The following PLOD2 variants were observed in gnomAD, a reference collection of about 807,000 sequenced individuals.
PLOD2 encodes the protein lysine hydroxylase 2.
In PLOD2, 65 loss-of-function variants were observed where a neutral mutation model predicts 101.0. The ratio of observed to expected loss-of-function variants is 0.64; its 90% confidence interval spans 0.53 to 0.79. The LOEUF (loss-of-function observed/expected upper bound fraction) is 0.79, where lower values mean the gene tolerates loss of function less well. Among genes scored for constraint, PLOD2 ranks in the 30% least tolerant of loss-of-function variants. The probability of loss-of-function intolerance (pLI) is 0.00; values close to 1 mark genes in which losing one functional copy is unlikely to be tolerated. For synonymous variants in PLOD2, 314 were observed against 302.9 expected, an observed-to-expected ratio of 1.04 and a Z score of -0.38; for missense variants, 909 against 914.6, an observed-to-expected ratio of 0.99 and a Z score of 0.08.
At chr3:146,122,902 T>C (rs1370665195) in intron 2 of PLOD2, among the ~76,000 whole-genome samples, 1 of 152,174 alleles carries the variant, frequency 6.6e-6, no homozygotes, top group African/African-American at 2.4e-5. Context: ...CCCTAACGAT[T>C]CCCCAACTAG....
chr3:146,141,110 T>C (rs889734025), intron 1 of PLOD2, among the ~76,000 whole-genome samples: 2 of 152,088 alleles, frequency 1.3e-5, no homozygotes, highest in Non-Finnish European at 2.9e-5. Flanking sequence ...GAATACACAG[T>C]ATGAACAAAT....
At chr3:146,097,927 T>C (rs1937262528) in intron 7 of PLOD2, among the ~76,000 whole-genome samples, 1 of 151,994 alleles carries the variant, frequency 6.6e-6, no homozygotes, top group Non-Finnish European at 1.5e-5. Context: ...CTGGAAACCA[T>C]CATCCTCACC....
In PLOD2 at chr3:146,100,748, T is replaced by C. The variant is rs141358589; in HGVS notation, c.777+2007A>G. Among the ~76,000 whole-genome samples the C allele has an allele frequency of 2.1e-3, 322 of 151,828 alleles. 2 individuals carry two copies. Among genetic ancestry groups the C allele is most frequent in the African/African-American group, 7.0e-3 (289 of 41,408 alleles). On this transcript the variant is annotated intron_variant, in intron 7 of 19. Coordinates refer to ENST00000282903, the MANE Select transcript of PLOD2 (RefSeq NM_182943.3). ...GTAGGGTTGGGAGTGGGAGAGTGAA[T>C]GGGGTGGTAGATTGGTGGCCACTAA...
At chr3:146,130,583 A>G (rs140457120) in intron 1 of PLOD2, among the ~76,000 whole-genome samples, 184 of 152,308 alleles carry the variant, frequency 1.2e-3, no homozygotes, top group South Asian at 6.4e-3. Flanking sequence ...AAGTAATATC[A>G]TATGTCTTGC....
chr3:146,105,541 C>T (rs976425014), intron 5 of PLOD2, among the ~76,000 whole-genome samples: 3 of 152,220 alleles, frequency 2.0e-5, no homozygotes, highest in African/African-American at 7.2e-5. Flanking sequence ...GGTCTCTGTC[C>T]TCAAGGGTAT....
In PLOD2 at chr3:146,157,306, T is replaced by C. The variant is rs560929271; in HGVS notation, c.109+3575A>G. ...ACTCAGCCCTTCACTTTGAAGAGTT[T>C]ACAATTTATTAAACATAAGGACCTA... is the stretch of plus-strand genomic sequence containing the variant. On this transcript the variant is annotated intron_variant, in intron 1 of 19. Transcript: ENST00000282903. 6.6e-5 allele frequency among the ~76,000 whole-genome samples: 10 copies of C among 152,310 alleles called. 1 individual carries two copies. The South Asian group carries it at 2.1e-3, about 32-fold the overall frequency.
At chr3:146,107,614 C>T (rs903461350) in intron 4 of PLOD2, among the ~76,000 whole-genome samples, 10 of 143,782 alleles carry the variant, frequency 7.0e-5, no homozygotes, top group Non-Finnish European at 1.4e-4. Context: ...TTGGTTCTTG[C>T]CATATAAATT....
chr3:146,129,298 T>A (rs79158793), intron 1 of PLOD2, among the ~76,000 whole-genome samples: 1,829 of 152,290 alleles, frequency 0.012, 39 homozygotes, highest in African/African-American at 0.042. Flanking sequence ...TTTGATTTTT[T>A]CCTTATTTTT....
chr3:146,149,486 G>T (rs2031956459), intron 1 of PLOD2, among the ~76,000 whole-genome samples: 1 of 152,016 alleles, frequency 6.6e-6, no homozygotes, highest in Admixed American at 6.6e-5. Flanking sequence ...ATAACCCATG[G>T]AGCTGACAGT....
At chr3:146,097,276 C>A (rs1450842800) in intron 7 of PLOD2, among the ~76,000 whole-genome samples, 1 of 150,410 alleles carries the variant, frequency 6.6e-6, no homozygotes, top group African/African-American at 2.4e-5. Context: ...CTCTGCCCAG[C>A]CACGACCCCG....
At chr3:146,102,104 C>T (rs991163381) in intron 7 of PLOD2, among the ~76,000 whole-genome samples, 5 of 152,146 alleles carry the variant, frequency 3.3e-5, no homozygotes, top group African/African-American at 9.7e-5. Flanking sequence ...GTACTTAAAC[C>T]AGGCATTTCA....
intron 7 of PLOD2, among the ~76,000 whole-genome samples, chr3:146,100,743 G>C (rs1937357595): frequency 6.6e-6 from 1 of 152,164 alleles, no homozygotes; most frequent in Non-Finnish European, 1.5e-5. Flanking sequence ...GAGTGGGAGA[G>C]TGAATGGGGT....
rs1440794726 is a variant in PLOD2, at chr3:146,073,341, T to G, written c.1689A>C (p.Glu563Asp). ...TTGAATAATCACGGTTTATATACTT[T>G]TCCTTCCAGTCCTATAAAAAGAAGT... is the stretch of plus-strand genomic sequence containing the variant. ...QIFENPVDWKEKYINRDYSKI... is the reference protein window; with the variant it reads ...QIFENPVDWKDKYINRDYSKI... Residue 563 changes from glutamate (E) to aspartate (D), a missense_variant, in exon 16 of 20, where the codon GAA becomes GAC. By Grantham distance (45) the Glu-to-Asp change is conservative (BLOSUM62 2). Transcript: ENST00000282903. 1.6e-5 allele frequency: 19 copies of G among 1,186,850 alleles called. No homozygotes were observed. Among genetic ancestry groups the G allele is most frequent in the Non-Finnish European group, 2.2e-5 (18 of 815,200 alleles). The allele number at this position is 1,186,850 out of a possible 1,614,324, so 73.5% of individuals were successfully genotyped here. A position where few individuals can be genotyped will look rare whatever the true frequency, so the allele number is the denominator to read the frequency against.
chr3:146,111,003 G>C (rs1937620642), intron 3 of PLOD2, among the ~76,000 whole-genome samples: 1 of 151,288 alleles, frequency 6.6e-6, no homozygotes, highest in South Asian at 2.1e-4. Context: ...CAATACACTT[G>C]GGAGAAAATT....
At chr3:146,072,980 T>C (rs1208806867) in intron 16 of PLOD2, among the ~76,000 whole-genome samples, 4 of 151,676 alleles carry the variant, frequency 2.6e-5, no homozygotes, top group Non-Finnish European at 4.4e-5. Flanking sequence ...CTTCCAAAGA[T>C]AAGCTTTCAC....
intron 4 of PLOD2, 75 bp from the exon 5 acceptor site, chr3:146,106,719 C>G (rs1937540945): frequency 1.0e-5 from 8 of 792,328 alleles, no homozygotes; most frequent in South Asian, 5.4e-5. Context: ...ATTTCACTGA[C>G]CAGTTGAACA....
chr3:146,151,424 G>C (rs1245027659), intron 1 of PLOD2, among the ~76,000 whole-genome samples: 1 of 152,116 alleles, frequency 6.6e-6, no homozygotes, highest in Non-Finnish European at 1.5e-5. Context: ...TTGAACCCGA[G>C]AGGCGGAGGT....
At chr3:146,153,143 G>A (rs753118399) in intron 1 of PLOD2, among the ~76,000 whole-genome samples, 9 of 152,088 alleles carry the variant, frequency 5.9e-5, no homozygotes, top group African/African-American at 1.2e-4. Flanking sequence ...GGACAAGACC[G>A]GAAAATCCCA....
At chr3:146,108,257 T>C (rs1434471218) in intron 4 of PLOD2, among the ~76,000 whole-genome samples, 2 of 152,156 alleles carry the variant, frequency 1.3e-5, no homozygotes, top group African/African-American at 2.4e-5. Flanking sequence ...CATGGCTCAC[T>C]GCAGCCTCGA....
Sources: allele counts gnomAD v4.1 joint callset (sites outside exome capture counted in the v4.1 genomes callset), GRCh38; gene constraint gnomAD v4.1.1; transcripts MANE v1.5; gene names NCBI Gene and HGNC (gene_info 2026-07-23, HGNC 2026-07-21).